TMEM245: variants seen among roughly 807,000 people sequenced by gnomAD.
TMEM245 encodes protein CG-2.
TMEM245 carries 69 observed loss-of-function variants against 101.2 expected under a neutral mutation model. The ratio of observed to expected loss-of-function variants is 0.68; its 90% confidence interval spans 0.56 to 0.83. TMEM245 has a LOEUF of 0.83. Ranked by LOEUF, TMEM245 falls within the 40% of genes least tolerant of loss-of-function variation. The pLI is 0.00. For missense variants in TMEM245, 1,075 were observed against 1,092.8 expected, an observed-to-expected ratio of 0.98 and a Z score of 0.23; for synonymous variants, 537 against 449.8, an observed-to-expected ratio of 1.19 and a Z score of -2.45.
intron 8 of TMEM245, among the ~76,000 whole-genome samples, chr9:109,078,346 C>T (rs1381118888): frequency 6.6e-6 from 1 of 152,158 alleles, no homozygotes; most frequent in Non-Finnish European, 1.5e-5. Context: ...TTTCCAAGTG[C>T]TTTCATCCCT....
intron 9 of TMEM245, among the ~76,000 whole-genome samples, chr9:109,066,272 G>A (rs1829160750): frequency 6.6e-6 from 1 of 151,866 alleles, no homozygotes; most frequent in South Asian, 2.1e-4. Flanking sequence ...TGGCCAACAA[G>A]GCAAAACCCC....
At chr9:109,056,216 G>A (rs1828830451) in intron 12 of TMEM245, among the ~76,000 whole-genome samples, 2 of 152,136 alleles carry the variant, frequency 1.3e-5, no homozygotes, top group South Asian at 4.1e-4. Context: ...GGGAAATTGG[G>A]AGGCATACAG....
chr9:109,029,889 A>C (rs895150799), intron 17 of TMEM245, among the ~76,000 whole-genome samples: 2 of 152,222 alleles, frequency 1.3e-5, no homozygotes, highest in Non-Finnish European at 2.9e-5. Context: ...ATTAGTTATA[A>C]GTACATGGAA....
At chr9:109,060,524 G>A (rs1300005836) in intron 10 of TMEM245, 72 bp from the exon 11 acceptor site, 3 of 1,027,224 alleles carry the variant, frequency 2.9e-6, no homozygotes, top group East Asian at 4.9e-5. Context: ...TATATGCTGG[G>A]TATTTACATT....
At position 109,033,486 on chromosome 9, in the gene TMEM245, G is replaced by T. The variant is rs1420922105; in HGVS notation, c.2415C>A (p.Tyr805Ter). ...YSDISGGGHP[Y>*]LTGLAVAGGA... ...CACCGGCCACTGCCAAGCCTGTCAGGTAAGGATGGCCACCTCTGGAATAAA... is the reference window on the plus strand; with the variant it reads ...CACCGGCCACTGCCAAGCCTGTCAGTTAAGGATGGCCACCTCTGGAATAAA... The change falls in exon 17 of 18, where the codon TAC (tyrosine) becomes TAA (stop). Residue 805 changes from tyrosine (Y) to a stop codon, truncating the protein, a stop_gained. Coordinates refer to ENST00000374586, the MANE Select transcript of TMEM245 (RefSeq NM_032012.4). LOFTEE classifies it high-confidence loss of function. 6.9e-6 allele frequency: 11 copies of T among 1,599,572 alleles called. No individual in the cohort carries two copies. The highest frequency in any genetic ancestry group is 9.4e-6 in the Non-Finnish European group (11 of 1,173,862).
At chr9:109,030,125 C>T (rs1327690985) in intron 17 of TMEM245, among the ~76,000 whole-genome samples, 7 of 152,054 alleles carry the variant, frequency 4.6e-5, no homozygotes, top group African/African-American at 1.7e-4. Flanking sequence ...TTAGATGATG[C>T]CTATATATGA....
intron 7 of TMEM245, among the ~76,000 whole-genome samples, chr9:109,085,535 T>C (rs543504433): frequency 2.6e-5 from 4 of 152,332 alleles, no homozygotes; most frequent in African/African-American, 9.6e-5. Context: ...AAAAAGACAA[T>C]ATATAAAATT....
At chr9:109,023,942 C>CA (rs1214402080) in intron 17 of TMEM245, among the ~76,000 whole-genome samples, 3 of 151,838 alleles carry the variant, frequency 2.0e-5, no homozygotes, top group Non-Finnish European at 4.4e-5. Context: ...TTCAGAGCAA[C>CA]AGGGATTGTG....
At chr9:109,074,253 A>C (rs1829426580) in intron 8 of TMEM245, among the ~76,000 whole-genome samples, 1 of 152,184 alleles carries the variant, frequency 6.6e-6, no homozygotes, top group Non-Finnish European at 1.5e-5. Context: ...AGGGAGATAA[A>C]ATGGGAATTA....
intron 9 of TMEM245, among the ~76,000 whole-genome samples, chr9:109,064,929 A>C (rs1170374618): frequency 1.3e-5 from 2 of 152,178 alleles, no homozygotes; most frequent in African/African-American, 4.8e-5. Flanking sequence ...AGCTGAGATC[A>C]TAGGCACGTC....
intron 3 of TMEM245, among the ~76,000 whole-genome samples, chr9:109,097,327 A>C (rs1564204930): frequency 6.6e-6 from 1 of 152,216 alleles, no homozygotes; most frequent in African/African-American, 2.4e-5. Flanking sequence ...AACTCTAGGA[A>C]GTTCAATAAG....
At chr9:109,028,122 T>C (rs769889247) in intron 17 of TMEM245, among the ~76,000 whole-genome samples, 11 of 152,056 alleles carry the variant, frequency 7.2e-5, no homozygotes, top group South Asian at 6.2e-4. Context: ...TTGGAATATT[T>C]ACATTATACT....
chr9:109,057,882 C>T (rs1198404056), intron 11 of TMEM245, among the ~76,000 whole-genome samples: 1 of 148,758 alleles, frequency 6.7e-6, no homozygotes, highest in Non-Finnish European at 1.5e-5. Context: ...GCAAAGACAT[C>T]TTATTTCTCA....
chr9:109,107,965 A>G (rs1032627207), intron 2 of TMEM245, among the ~76,000 whole-genome samples: 1 of 152,202 alleles, frequency 6.6e-6, no homozygotes, highest in Non-Finnish European at 1.5e-5. Context: ...AGATCTGTTT[A>G]AAGCACTCTT....
intron 17 of TMEM245, among the ~76,000 whole-genome samples, chr9:109,024,691 T>TACA (rs1827744492): frequency 6.6e-6 from 1 of 152,168 alleles, no homozygotes. Context: ...TGGTGTTCTT[T>TACA]ACAGAGGGGA....
chr9:109,038,145 A>G, intron 14 of TMEM245, 28 bp from the exon 15 acceptor site: 1 of 1,574,644 alleles, frequency 6.4e-7, no homozygotes, highest in Non-Finnish European at 8.7e-7. Context: ...AAAAAGAAAG[A>G]GTAAATAAAC....
At chr9:109,045,213 C>T (rs1828449044) in intron 14 of TMEM245, among the ~76,000 whole-genome samples, 1 of 152,160 alleles carries the variant, frequency 6.6e-6, no homozygotes, top group Non-Finnish European at 1.5e-5. Context: ...TCTCTCTCTA[C>T]CCACCCCTTC....
chr9:109,086,279 T>C (rs185738539), intron 6 of TMEM245, among the ~76,000 whole-genome samples: 1 of 152,290 alleles, frequency 6.6e-6, no homozygotes, highest in African/African-American at 2.4e-5. Flanking sequence ...ATACATAAAA[T>C]AACCTGCATG....
intron 8 of TMEM245, among the ~76,000 whole-genome samples, chr9:109,077,451 C>A (rs551494486): frequency 6.6e-6 from 1 of 152,322 alleles, no homozygotes; most frequent in Non-Finnish European, 1.5e-5. Context: ...CCACACCCAG[C>A]TTTTAAAAGG....
Sources: allele counts gnomAD v4.1 joint callset (sites outside exome capture counted in the v4.1 genomes callset), GRCh38; gene constraint gnomAD v4.1.1; transcripts MANE v1.5; gene names NCBI Gene and HGNC (gene_info 2026-07-23, HGNC 2026-07-21).